PLSCR2: variants seen among roughly 807,000 people sequenced by gnomAD.
PLSCR2 encodes the protein PL scramblase 2.
PLSCR2 carries 18 observed loss-of-function variants against 25.3 expected under a neutral mutation model. That is an observed-to-expected ratio of 0.71 (90% CI 0.49 to 1.06). The LOEUF (loss-of-function observed/expected upper bound fraction) is 1.06. Ranked by LOEUF, PLSCR2 falls within the 50% of genes least tolerant of loss-of-function variation. The probability of loss-of-function intolerance (pLI) is 0.00; values close to 1 mark genes in which losing one functional copy is unlikely to be tolerated. For missense variants in PLSCR2, 243 were observed against 269.5 expected (o/e 0.90, Z 0.69); for synonymous variants, 88 against 87.3 (o/e 1.01, Z -0.04).
chr3:146,458,538 A>T, intron 2 of PLSCR2, 85 bp from the exon 3 acceptor site: 2 of 926,728 alleles, frequency 2.2e-6, no homozygotes, highest in South Asian at 2.6e-5. Flanking sequence ...TTAATACTGC[A>T]TATAATCAGT....
chr3:146,445,712 A>C (rs2040513325), intron 6 of PLSCR2, among the ~76,000 whole-genome samples: 1 of 152,060 alleles, frequency 6.6e-6, no homozygotes. Context: ...GTTCTCTGTT[A>C]TTATCCCCTT....
At chr3:146,419,821 A>G (rs533541947) in intron 2 of PLSCR2, among the ~76,000 whole-genome samples, 28 of 152,148 alleles carry the variant, frequency 1.8e-4, no homozygotes, top group African/African-American at 6.7e-4. Context: ...CTGTGATTAT[A>G]TCGAGGCCTC....
At chr3:146,482,473 AG>A (rs1322422768) in intron 1 of PLSCR2, among the ~76,000 whole-genome samples, 52 of 152,352 alleles carry the variant, frequency 3.4e-4, no homozygotes, top group African/African-American at 1.2e-3. Flanking sequence ...ACACATGAAA[AG>A]ATGCTCATCA....
At chr3:146,406,066 A>G (rs916810836) in intron 2 of PLSCR2, among the ~76,000 whole-genome samples, 3 of 152,058 alleles carry the variant, frequency 2.0e-5, no homozygotes, top group African/African-American at 7.3e-5. Flanking sequence ...ATGATATGCT[A>G]TAATACTATT....
At chr3:146,406,680 G>A (rs767509143) in intron 2 of PLSCR2, among the ~76,000 whole-genome samples, 1 of 152,150 alleles carries the variant, frequency 6.6e-6, no homozygotes, top group African/African-American at 2.4e-5. Context: ...TTTTTAGTTG[G>A]GCTCTGTTGG....
downstream of PLSCR2, among the ~76,000 whole-genome samples, chr3:146,431,864 T>TAA (rs34188112): frequency 0.022 from 3,124 of 143,920 alleles, 70 homozygotes; most frequent in African/African-American, 0.053. Flanking sequence ...CATCAAGCAT[T>TAA]AAAAAAAAAA....
chr3:146,494,199 T>C lies in PLSCR2; in HGVS notation c.-293+1696A>G, dbSNP rs184672920. On this transcript the variant is annotated intron_variant, in intron 1 of 8. Transcript: ENST00000336685. ...GACTGCTTTCTTTGAGGCACAGATT[T>C]TTGGAGCCCTTATTCTGAATTGTTT... Among the ~76,000 whole-genome samples the C allele has an allele frequency of 6.6e-5, 10 of 152,256 alleles. No individual in the cohort carries two copies. In the East Asian group the frequency reaches 1.9e-3, roughly 29 times the overall value.
At chr3:146,468,561 G>C (rs999032399) in intron 1 of PLSCR2, among the ~76,000 whole-genome samples, 20 of 152,216 alleles carry the variant, frequency 1.3e-4, no homozygotes, top group African/African-American at 4.8e-4. Context: ...AACTTTCACT[G>C]AGTACTTTCT....
Position 146,480,154 on chromosome 3 carries a change from C to T in PLSCR2, c.-293+15741G>A, listed in dbSNP as rs192330580. On this transcript the variant is annotated intron_variant, in intron 1 of 8. Transcript: ENST00000336685. ...AAGCAGGAAAAATCTAAAATTAACA[C>T]GCTAACATCACAATTAAAAGAACTA... 6.7e-4 allele frequency among the ~76,000 whole-genome samples: 102 copies of T among 152,202 alleles called. 1 individual carries two copies. The highest frequency in any genetic ancestry group is 2.1e-3 in the African/African-American group (86 of 41,532).
At chr3:146,400,980 ACTT>A (rs1476399542) in intron 2 of PLSCR2, among the ~76,000 whole-genome samples, 4 of 151,978 alleles carry the variant, frequency 2.6e-5, no homozygotes, top group Non-Finnish European at 5.9e-5. Flanking sequence ...GGATCTCAAC[ACTT>A]TCCTCACATG....
At chr3:146,417,102 T>C (rs2039022848) in intron 2 of PLSCR2, among the ~76,000 whole-genome samples, 1 of 152,170 alleles carries the variant, frequency 6.6e-6, no homozygotes, top group Non-Finnish European at 1.5e-5. Flanking sequence ...AATGCATCTC[T>C]ATGGAGCCAA....
At chr3:146,410,950 G>T (rs1027515768) in intron 2 of PLSCR2, among the ~76,000 whole-genome samples, 6 of 152,116 alleles carry the variant, frequency 3.9e-5, no homozygotes, top group Non-Finnish European at 5.9e-5. Context: ...TTATGAGGTC[G>T]CCACGGAACT....
At chr3:146,395,268 AAAG>A (rs1379857151) in intron 3 of PLSCR2, among the ~76,000 whole-genome samples, 2 of 152,244 alleles carry the variant, frequency 1.3e-5, no homozygotes. Context: ...GTGAATTTAA[AAAG>A]AAGCAAAACT....
At chr3:146,438,590 T>C (rs1430602353), downstream of PLSCR2, among the ~76,000 whole-genome samples, 1 of 152,236 alleles carries the variant, frequency 6.6e-6, no homozygotes, top group Non-Finnish European at 1.5e-5. Context: ...GAGTCTAGGA[T>C]TGCAAACCCT....
chr3:146,407,740 G>A (rs933745545), intron 2 of PLSCR2, among the ~76,000 whole-genome samples: 8 of 152,114 alleles, frequency 5.3e-5, no homozygotes, highest in African/African-American at 1.9e-4. Flanking sequence ...CTGAGTGAGG[G>A]TGATCAATTC....
At chr3:146,483,840 G>GA (rs60589487) in intron 1 of PLSCR2, among the ~76,000 whole-genome samples, 4,846 of 151,420 alleles carry the variant, frequency 0.032, 230 homozygotes, top group African/African-American at 0.1. Flanking sequence ...AAGAATCAAA[G>GA]AAAAAAACAC....
intron 2 of PLSCR2, among the ~76,000 whole-genome samples, chr3:146,403,372 T>C (rs2038545857): frequency 1.3e-5 from 2 of 152,184 alleles, no homozygotes; most frequent in Admixed American, 1.3e-4. Context: ...ATAAAGCAAA[T>C]TATTGACGCC....
At chr3:146,401,026 TTAAATA>T (rs2038454330) in intron 2 of PLSCR2, among the ~76,000 whole-genome samples, 1 of 151,978 alleles carries the variant, frequency 6.6e-6, no homozygotes, top group African/African-American at 2.4e-5. Flanking sequence ...GGAAGTAGAT[TTAAATA>T]TAAATATAGA....
intron 2 of PLSCR2, among the ~76,000 whole-genome samples, chr3:146,407,833 C>A (rs1243805721): frequency 6.6e-6 from 1 of 152,124 alleles, no homozygotes; most frequent in Non-Finnish European, 1.5e-5. Flanking sequence ...ACTCGCCTTT[C>A]GTACTCCTTG....
Sources: gnomAD v4.1 joint callset for allele counts (sites outside exome capture counted in the v4.1 genomes callset) on GRCh38, gnomAD v4.1.1 for gene constraint, MANE v1.5 for transcripts, NCBI Gene and HGNC (gene_info 2026-07-23, HGNC 2026-07-21) for gene names.